Variants in SIDT1 observed in about 807,000 individuals in gnomAD.
SIDT1 encodes the protein SID1 transmembrane family, member 1.
SIDT1 carries 101 observed loss-of-function variants against 107.5 expected under a neutral mutation model. The observed-to-expected ratio is 0.94, with a 90% CI of 0.80 to 1.11. The LOEUF (loss-of-function observed/expected upper bound fraction) is 1.11. Ranked by LOEUF, SIDT1 falls within the 50% of genes least tolerant of loss-of-function variation. The probability of loss-of-function intolerance (pLI) is 0.00; values close to 1 mark genes in which losing one functional copy is unlikely to be tolerated. For missense variants in SIDT1, 1,076 were observed against 1,058.2 expected (o/e 1.02, Z -0.23); for synonymous variants, 395 against 398.2 (o/e 0.99, Z 0.10).
chr3:113,593,049 G>T lies in SIDT1; in HGVS notation c.1045+1G>T. ...GATGGAAGCTTTGGGTCCAATGATGGTAAGAGCAATGCTTGGTTTCAATTC... is the reference window on the plus strand; with the variant it reads ...GATGGAAGCTTTGGGTCCAATGATGTTAAGAGCAATGCTTGGTTTCAATTC... On this transcript the variant is annotated splice_donor_variant, in intron 10 of 24. Transcript: ENST00000264852. LOFTEE classifies it high-confidence loss of function. The T allele has an allele frequency of 6.2e-7, 1 of 1,612,564 alleles. No homozygotes were observed. The highest frequency in any genetic ancestry group is 8.5e-7 in the Non-Finnish European group (1 of 1,178,532).
intron 10 of SIDT1, among the ~76,000 whole-genome samples, chr3:113,600,704 T>C (rs1050055614): frequency 2.0e-5 from 3 of 152,240 alleles, no homozygotes; most frequent in African/African-American, 7.2e-5. Flanking sequence ...ACTGTTACTG[T>C]GCTCGAAAGA....
chr3:113,581,251 G>C (rs983209974), intron 5 of SIDT1, 110 bp from the exon 6 acceptor site: 1 of 858,596 alleles, frequency 1.2e-6, no homozygotes. Context: ...GGTTAATAAG[G>C]ATCCCCTGCT....
At chr3:113,595,576 C>CT in intron 10 of SIDT1, among the ~76,000 whole-genome samples, 1 of 146,860 alleles carries the variant, frequency 6.8e-6, no homozygotes, top group Non-Finnish European at 1.5e-5. Flanking sequence ...AAGACCGTGT[C>CT]TCAAAAAAAA....
Position 113,583,415 on chromosome 3 carries a change from G to T in SIDT1, c.754G>T (p.Asp252Tyr). 1 of 1,597,780 alleles carries T rather than the reference G, an allele frequency of 6.3e-7. No individual in the cohort carries two copies. The change falls in exon 7 of 25, where the codon GAT becomes TAT. Residue 252 changes from aspartate to tyrosine, a missense_variant. Transcript: ENST00000264852. ...KKAAITLQKKDFPGEQFFVVF... is the reference protein window; with the variant it reads ...KKAAITLQKKYFPGEQFFVVF... ...GTTGTTATGTCTTATGCAGAAGAAG[G>T]ATTTTCCAGGCGAGCAGTTCTTCGT...
chr3:113,560,905 T>A lies in SIDT1; in HGVS notation c.223-5515T>A, dbSNP rs142902144. Among the ~76,000 whole-genome samples the A allele has an allele frequency of 1.3e-3, 205 of 152,298 alleles. 1 individual carries two copies. Among genetic ancestry groups the A allele is most frequent in the African/African-American group, 4.4e-3 (183 of 41,556 alleles). Reference sequence around the variant, plus strand: ...TCTAAGCTTTAAGACCTTTCATAACTGTGATCTATATAATATCAGAGATGG... The same window carrying A: ...TCTAAGCTTTAAGACCTTTCATAACAGTGATCTATATAATATCAGAGATGG... On this transcript the variant is annotated intron_variant, in intron 1 of 24. Transcript: ENST00000264852.
rs570247092 is a variant in SIDT1, at chr3:113,539,049, C to T, written c.222+5806C>T. Among the ~76,000 whole-genome samples, 138 of 152,070 alleles carry T rather than the reference C, an allele frequency of 9.1e-4. No individual in the cohort carries two copies. The South Asian group carries it at 0.026, about 29-fold the overall frequency. On this transcript the variant is annotated intron_variant, in intron 1 of 24. Coordinates refer to ENST00000264852, the MANE Select transcript of SIDT1 (RefSeq NM_017699.3). The stretch of plus-strand genomic sequence containing the variant: ...TTTATGAGCTGGAATACTTCTATAA[C>T]GGGAAACTTCACCTTGTGGGCTATT...
At chr3:113,584,674 C>A in intron 7 of SIDT1, 24 bp from the exon 8 acceptor site, 1 of 1,545,292 alleles carries the variant, frequency 6.5e-7, no homozygotes, top group South Asian at 1.2e-5. Flanking sequence ...GTGCTTTGTT[C>A]TTTTTTTATT....
At chr3:113,626,466 C>T (rs1310573415) in intron 24 of SIDT1, among the ~76,000 whole-genome samples, 1 of 152,188 alleles carries the variant, frequency 6.6e-6, no homozygotes, top group Admixed American at 6.5e-5. Flanking sequence ...CTAAGTTGCA[C>T]AGCACGTTTG....
intron 9 of SIDT1, 147 bp downstream of exon 9, chr3:113,585,417 T>C: frequency 1.5e-6 from 1 of 658,434 alleles, no homozygotes; most frequent in Non-Finnish European, 2.7e-6. Context: ...ACCTTGGAGA[T>C]GTTGCTCAAC....
rs532063057 is a variant in SIDT1, at chr3:113,569,074, G to C, written c.515+1364G>C. ...AGAATGCTTGAGCCTGGGAGGTGGAGGTTGCAGTGAGCCGAGATCATGCCA... is the reference window on the plus strand; with the variant it reads ...AGAATGCTTGAGCCTGGGAGGTGGACGTTGCAGTGAGCCGAGATCATGCCA... On this transcript the variant is annotated intron_variant, in intron 3 of 24. Transcript: ENST00000264852. Among the ~76,000 whole-genome samples the C allele has an allele frequency of 4.4e-3, 653 of 146,888 alleles. 2 individuals are homozygous for C. The highest frequency in any genetic ancestry group is 0.016 in the African/African-American group (629 of 39,964).
chr3:113,547,652 G>A (rs1275296471), intron 1 of SIDT1, among the ~76,000 whole-genome samples: 1 of 152,076 alleles, frequency 6.6e-6, no homozygotes, highest in Non-Finnish European at 1.5e-5. Context: ...TGTGTCCAGA[G>A]AAAGTTGAAT....
At position 113,603,031 on chromosome 3, in the gene SIDT1, C is replaced by A; in HGVS notation, c.1144C>A (p.Gln382Lys). Residue 382 changes from glutamine to lysine, a missense_variant, in exon 12 of 25, where the codon CAG (glutamine) becomes AAG (lysine). Transcript: ENST00000264852. ...IDESSSSPGR[Q>K]MSSSDGGPPG... ...TGAGTCAAGCTCCAGTCCTGGAAGG[C>A]AGATGTCCTCCTCCGATGGTGGGCC... The A allele has an allele frequency of 6.2e-7, 1 of 1,614,100 alleles. No homozygotes were observed.
intron 23 of SIDT1, among the ~76,000 whole-genome samples, chr3:113,625,443 C>G (rs1946786135): frequency 6.6e-6 from 1 of 152,026 alleles, no homozygotes; most frequent in African/African-American, 2.4e-5. Flanking sequence ...CCGGCCATAG[C>G]TCTATTTTTA....
chr3:113,613,599 T>A lies in SIDT1; in HGVS notation c.1966+1405T>A, dbSNP rs548037161. Among the ~76,000 whole-genome samples, 9 of 152,346 alleles carry A rather than the reference T, an allele frequency of 5.9e-5. No homozygotes were observed. In the South Asian group the frequency reaches 6.2e-4, roughly 11 times the overall value. Reference sequence around the variant, plus strand: ...CAAATCCCCCAGTTACTTGAGCCAGTTGTGTAGAACATTTGGCAGGGCACG... The same window carrying A: ...CAAATCCCCCAGTTACTTGAGCCAGATGTGTAGAACATTTGGCAGGGCACG... On this transcript the variant is annotated intron_variant, in intron 19 of 24. Transcript: ENST00000264852.
intron 3 of SIDT1, among the ~76,000 whole-genome samples, chr3:113,569,576 C>T (rs1942257663): frequency 6.6e-6 from 1 of 152,044 alleles, no homozygotes; most frequent in Admixed American, 6.5e-5. Flanking sequence ...TAGTGTTATA[C>T]CCATACGGAA....
At chr3:113,615,303 A>C (rs1946024990) in intron 19 of SIDT1, among the ~76,000 whole-genome samples, 1 of 152,168 alleles carries the variant, frequency 6.6e-6, no homozygotes, top group African/African-American at 2.4e-5. Flanking sequence ...TCCTGGTTAA[A>C]CTGACCACGG....
intron 20 of SIDT1, among the ~76,000 whole-genome samples, chr3:113,618,834 A>G (rs1946274954): frequency 6.6e-6 from 1 of 152,102 alleles, no homozygotes; most frequent in Non-Finnish European, 1.5e-5. Context: ...TTGTTTGTTT[A>G]TTTATTTTGG....
Position 113,580,705 on chromosome 3 carries a change from T to G in SIDT1, c.659T>G (p.Ile220Ser), listed in dbSNP as rs1943259460. The part of the protein sequence containing the change: ...YPCSVVSVQN[I>S]MCPVYDLDHN... The stretch of plus-strand genomic sequence containing the variant: ...TGTTCTGTTGTCTCAGTCCAGAATA[T>G]CATGGTGAGTGCTGATAACTTGCCA... The change falls in exon 5 of 25, where the codon ATC (isoleucine) becomes AGC (serine). Residue 220 changes from isoleucine (I) to serine (S), a missense_variant. By Grantham distance (142) the Ile-to-Ser change is moderately radical. Transcript: ENST00000264852. 1.9e-6 allele frequency: 3 copies of G among 1,599,072 alleles called. No individual in the cohort carries two copies. In the African/African-American group the frequency reaches 4.0e-5, roughly 21 times the overall value.
chr3:113,567,844 C>T (rs944436034), intron 3 of SIDT1, 134 bp downstream of exon 3: 83 of 861,660 alleles, frequency 9.6e-5, no homozygotes, highest in South Asian at 4.8e-4. Flanking sequence ...ACTTCCTGAA[C>T]TCTCCTGCCC....
Sources: gnomAD v4.1 joint callset for allele counts (sites outside exome capture counted in the v4.1 genomes callset) on GRCh38, gnomAD v4.1.1 for gene constraint, MANE v1.5 for transcripts, NCBI Gene and HGNC (gene_info 2026-07-23, HGNC 2026-07-21) for gene names.